Variants in GALNT13 observed in about 807,000 individuals in gnomAD.
The protein encoded by GALNT13 is polypeptide N-acetylgalactosaminyltransferase 13.
In GALNT13, 28 loss-of-function variants were observed where a neutral mutation model predicts 64.2. The observed-to-expected ratio is 0.44, with a 90% CI of 0.32 to 0.60. The LOEUF (loss-of-function observed/expected upper bound fraction) is 0.60, where lower values mean the gene tolerates loss of function less well. GALNT13 is among the 20% of genes least tolerant of loss of function. The pLI, the probability that GALNT13 is intolerant of heterozygous loss-of-function variation, is 0.05. For missense variants in GALNT13, 577 were observed against 669.8 expected (o/e 0.86, Z 1.53); for synonymous variants, 214 against 224.6 (o/e 0.95, Z 0.42).
At chr2:153,416,740 G>C in the GALNT13 span, among the ~76,000 whole-genome samples, 1 of 152,156 alleles carries the variant, frequency 6.6e-6, no homozygotes, top group Admixed American at 6.5e-5. Flanking sequence ...CTATGTGCCA[G>C]ATACTCCTCT....
At chr2:153,236,317 T>C in the GALNT13 span, among the ~76,000 whole-genome samples, 483 of 152,214 alleles carry the variant, frequency 3.2e-3, 1 homozygote, top group African/African-American at 0.011. Context: ...TTGATGAAGG[T>C]GGCTACACTA....
the GALNT13 span, among the ~76,000 whole-genome samples, chr2:153,401,175 C>T: frequency 5.9e-5 from 9 of 152,110 alleles, no homozygotes; most frequent in Non-Finnish European, 8.8e-5. Flanking sequence ...GCCTTTATTT[C>T]GTTATGTACC....
intron 4 of GALNT13, among the ~76,000 whole-genome samples, chr2:154,184,041 C>T (rs1041442802): frequency 1.2e-4 from 18 of 151,720 alleles, no homozygotes; most frequent in Non-Finnish European, 1.6e-4. Context: ...TTGTTATAAC[C>T]TTATCATGAA....
At chr2:153,372,804 T>G in the GALNT13 span, among the ~76,000 whole-genome samples, 7 of 152,340 alleles carry the variant, frequency 4.6e-5, no homozygotes, top group Admixed American at 3.3e-4. Context: ...TGGGTTTTGC[T>G]TAACAAGTTA....
chr2:153,255,814 T>C, the GALNT13 span, among the ~76,000 whole-genome samples: 5,093 of 152,338 alleles, frequency 0.033, 285 homozygotes, highest in African/African-American at 0.12. Flanking sequence ...TTCTGGCTGG[T>C]AGAGTTTCTG....
At chr2:153,335,266 G>A in the GALNT13 span, among the ~76,000 whole-genome samples, 3 of 152,194 alleles carry the variant, frequency 2.0e-5, no homozygotes, top group Admixed American at 2.0e-4. Context: ...ATAGATACCT[G>A]AAAATGTAGA....
the GALNT13 span, among the ~76,000 whole-genome samples, chr2:153,749,055 A>G: frequency 6.6e-6 from 1 of 152,010 alleles, no homozygotes; most frequent in Non-Finnish European, 1.5e-5. Context: ...ATGAATATCC[A>G]GTTTTTATAG....
the GALNT13 span, among the ~76,000 whole-genome samples, chr2:153,218,529 T>C: frequency 1.3e-5 from 2 of 152,312 alleles, no homozygotes; most frequent in South Asian, 2.1e-4. Context: ...TTCTGGGTGA[T>C]AGGGAAGAAG....
At chr2:154,109,738 T>C (rs1702828102) in intron 3 of GALNT13, among the ~76,000 whole-genome samples, 1 of 152,206 alleles carries the variant, frequency 6.6e-6, no homozygotes, top group Non-Finnish European at 1.5e-5. Flanking sequence ...AATAATCATA[T>C]GGTTTTTGTT....
At chr2:154,151,104 C>T (rs868226799) in intron 4 of GALNT13, among the ~76,000 whole-genome samples, 8 of 152,068 alleles carry the variant, frequency 5.3e-5, no homozygotes, top group African/African-American at 1.2e-4. Context: ...GCTTCGAATG[C>T]GTCCCAGAGA....
At chr2:154,315,903 C>T (rs1694293557) in intron 9 of GALNT13, among the ~76,000 whole-genome samples, 1 of 152,118 alleles carries the variant, frequency 6.6e-6, no homozygotes, top group African/African-American at 2.4e-5. Flanking sequence ...GACTGACCAA[C>T]ATGGTCAAAC....
intron 9 of GALNT13, among the ~76,000 whole-genome samples, chr2:154,314,245 A>C (rs1694209495): frequency 6.6e-6 from 1 of 152,192 alleles, no homozygotes; most frequent in Non-Finnish European, 1.5e-5. Flanking sequence ...AAATTATATG[A>C]GTAATTACAC....
Position 154,434,239 on chromosome 2 carries a change from G to T in GALNT13, c.1396-4353G>T, listed in dbSNP as rs371106434. ...TACAACAGTAAACAATAAAAACTGA[G>T]TTATTACAGTGATTAGTTTGTTGGT... is the stretch of plus-strand genomic sequence containing the variant. On this transcript the variant is annotated intron_variant, in intron 11 of 12. Transcript: ENST00000392825. 3.5e-3 allele frequency among the ~76,000 whole-genome samples: 529 copies of T among 152,240 alleles called. 1 individual carries two copies. Among genetic ancestry groups the T allele is most frequent in the African/African-American group, 0.012 (504 of 41,542 alleles).
chr2:154,208,497 C>T (rs1223528121), intron 4 of GALNT13, among the ~76,000 whole-genome samples: 2 of 151,996 alleles, frequency 1.3e-5, no homozygotes, highest in Non-Finnish European at 2.9e-5. Context: ...TCATAATGAT[C>T]TGGAGCTCAG....
chr2:153,787,078 C>T, the GALNT13 span, among the ~76,000 whole-genome samples: 1 of 152,246 alleles, frequency 6.6e-6, no homozygotes, highest in African/African-American at 2.4e-5. Flanking sequence ...CCTTCCTCTG[C>T]TGCCTCCAAG....
chr2:154,327,991 T>A (rs1372735727), intron 9 of GALNT13, among the ~76,000 whole-genome samples: 2 of 152,138 alleles, frequency 1.3e-5, no homozygotes, highest in African/African-American at 4.8e-5. Context: ...TATACACTTG[T>A]ATTTGTTATA....
At chr2:153,430,928 G>A in the GALNT13 span, among the ~76,000 whole-genome samples, 1 of 151,826 alleles carries the variant, frequency 6.6e-6, no homozygotes, top group Admixed American at 6.6e-5. Flanking sequence ...GAGGTGGGCG[G>A]ATCACAAGGT....
the GALNT13 span, among the ~76,000 whole-genome samples, chr2:153,715,047 C>A: frequency 3.3e-5 from 5 of 150,968 alleles, no homozygotes; most frequent in African/African-American, 1.2e-4. Flanking sequence ...TCTGTCATTC[C>A]ATCGCACCAT....
chr2:153,696,692 G>A, the GALNT13 span, among the ~76,000 whole-genome samples: 1 of 152,100 alleles, frequency 6.6e-6, no homozygotes, highest in Non-Finnish European at 1.5e-5. Context: ...AAATACGTTT[G>A]GACTGCAGTT....
Sources: allele counts gnomAD v4.1 joint callset (sites outside exome capture counted in the v4.1 genomes callset), GRCh38; gene constraint gnomAD v4.1.1; transcripts MANE v1.5; gene names NCBI Gene and HGNC (gene_info 2026-07-23, HGNC 2026-07-21).